The following DIAPH2 variants were observed in gnomAD, a reference collection of about 807,000 sequenced individuals.
DIAPH2 encodes the protein diaphanous related formin 2, also known as protein diaphanous homolog 2.
DIAPH2 carries 35 observed loss-of-function variants against 92.7 expected under a neutral mutation model. The ratio of observed to expected loss-of-function variants is 0.38; its 90% CI spans 0.29 to 0.50. DIAPH2 has a LOEUF of 0.50. Ranked by LOEUF, DIAPH2 falls within the 20% of genes least tolerant of loss-of-function variation. The pLI is 0.94. For synonymous variants in DIAPH2, 301 were observed against 280.4 expected, an observed-to-expected ratio of 1.07 and a Z score of -0.73; for missense variants, 701 against 819.5, an observed-to-expected ratio of 0.86 and a Z score of 1.77.
At chrX:97,594,200 C>T (rs867702267) in intron 26 of DIAPH2, among the ~76,000 whole-genome samples, 7 of 85,644 alleles carry the variant, frequency 8.2e-5, no homozygotes, top group African/African-American at 7.9e-5. Flanking sequence ...TATATATATA[C>T]GTACACATAC....
chrX:96,802,174 G>C (rs986897709), intron 4 of DIAPH2, among the ~76,000 whole-genome samples: 2 of 111,967 alleles, frequency 1.8e-5, no homozygotes, highest in Admixed American at 1.9e-4. Context: ...ATGTTTGTGA[G>C]AATCATTCAC....
rs2065823903 is a variant in DIAPH2 at position 96,958,075 on chromosome X, A to G, written c.1862A>G (p.Asn621Ser). ...CCTCCTCCCCCAGGAATATCACTTA[A>G]TCTACCTTATGGAATGAAGCAGAAA... ...GVPPPPGISL[N>S]LPYGMKQKKM... is the part of the protein sequence containing the mutation. The change falls in exon 16 of 27, where the codon AAT (asparagine) becomes AGT (serine). Residue 621 changes from asparagine (N) to serine (S), a missense_variant. Coordinates refer to ENST00000324765, the MANE Select transcript of DIAPH2 (RefSeq NM_006729.5). 8.3e-7 allele frequency: 1 copy of G among 1,211,553 alleles called. No individual in the cohort carries two copies. Among genetic ancestry groups the G allele is most frequent in the Non-Finnish European group, 1.1e-6 (1 of 895,363 alleles).
At chrX:96,991,812 A>G (rs2066074291) in intron 17 of DIAPH2, among the ~76,000 whole-genome samples, 1 of 111,147 alleles carries the variant, frequency 9.0e-6, no homozygotes, top group Non-Finnish European at 1.9e-5. Context: ...GAACACATAT[A>G]TAACTAACAG....
rs184213109 is a variant in DIAPH2 at position 97,422,647 on chromosome X, T to C, written c.3146-7003T>C. Among the ~76,000 whole-genome samples the C allele has an allele frequency of 3.8e-4, 43 of 111,788 alleles. 1 individual carries two copies. The Admixed American group carries it at 3.9e-3, about 10-fold the overall frequency. On this transcript the variant is annotated intron_variant, in intron 25 of 26. Transcript: ENST00000324765. ...GTGAATTAAAACCATTATGCCTCGG[T>C]TAAGATTTTAGGAAATGATTTTTAT... is the stretch of plus-strand genomic sequence containing the variant.
At chrX:97,431,896 G>A (rs1217531394) in intron 26 of DIAPH2, 2 of 111,790 alleles carry the variant, frequency 1.8e-5, no homozygotes, top group African/African-American at 6.5e-5. Context: ...CCTTGCCTCA[G>A]CCCTTCCTAG....
chrX:97,244,793 G>A (rs2068125493), intron 22 of DIAPH2, among the ~76,000 whole-genome samples: 1 of 111,918 alleles, frequency 8.9e-6, no homozygotes, highest in African/African-American at 3.2e-5. Flanking sequence ...GGTGCATATA[G>A]CAAAGTTAGC....
At chrX:96,913,747 T>A (rs996968637) in intron 7 of DIAPH2, among the ~76,000 whole-genome samples, 1 of 110,890 alleles carries the variant, frequency 9.0e-6, no homozygotes, top group Non-Finnish European at 1.9e-5. Flanking sequence ...CTCTGAAAAA[T>A]TGCAGGGCTT....
intron 4 of DIAPH2, among the ~76,000 whole-genome samples, chrX:96,837,433 C>CTCTCTCTCTGTGTG (rs1189132418): frequency 4.1e-4 from 17 of 41,337 alleles, no homozygotes; most frequent in Admixed American, 3.6e-3. Flanking sequence ...CTCTCTCTCT[C>CTCTCTCTCTGTGTG]TGTGTGTGTG....
At chrX:96,993,421 G>A (rs776020668) in intron 17 of DIAPH2, among the ~76,000 whole-genome samples, 9 of 112,417 alleles carry the variant, frequency 8.0e-5, no homozygotes, top group Middle Eastern at 4.6e-3. Context: ...GGTTCTGTGG[G>A]CTGTACAGGC....
chrX:96,760,985 G>A (rs1161296630), intron 4 of DIAPH2, among the ~76,000 whole-genome samples: 2 of 111,015 alleles, frequency 1.8e-5, no homozygotes, highest in African/African-American at 3.3e-5. Context: ...ATAGGAATAT[G>A]TAGATAATTT....
At chrX:97,251,156 C>T (rs1489361571) in intron 23 of DIAPH2, among the ~76,000 whole-genome samples, 1 of 111,487 alleles carries the variant, frequency 9.0e-6, no homozygotes, top group Non-Finnish European at 1.9e-5. Flanking sequence ...ATGGCTGACA[C>T]CCTATAATAC....
At chrX:96,687,444 C>CTT (rs761658197) in intron 1 of DIAPH2, among the ~76,000 whole-genome samples, 4 of 101,310 alleles carry the variant, frequency 3.9e-5, no homozygotes, top group South Asian at 4.3e-4. Context: ...ATTTTCTTTT[C>CTT]TTTTTTTTTT....
chrX:96,832,958 T>C (rs890431291), intron 4 of DIAPH2, among the ~76,000 whole-genome samples: 6 of 112,129 alleles, frequency 5.4e-5, no homozygotes, highest in Non-Finnish European at 1.1e-4. Flanking sequence ...GGAAGAAGTA[T>C]TGATTTTAGA....
At chrX:96,870,802 ATTTC>A (rs773433438) in intron 4 of DIAPH2, among the ~76,000 whole-genome samples, 12 of 111,517 alleles carry the variant, frequency 1.1e-4, no homozygotes, top group African/African-American at 3.9e-4. Flanking sequence ...TGGAAGGAAT[ATTTC>A]TTTATTTCAT....
At chrX:97,544,710 T>C (rs2071166417) in intron 26 of DIAPH2, among the ~76,000 whole-genome samples, 1 of 111,970 alleles carries the variant, frequency 8.9e-6, no homozygotes, top group Non-Finnish European at 1.9e-5. Context: ...CTGTACAGAC[T>C]ACCAGAGCTT....
chrX:97,570,472 G>A (rs146858325), intron 26 of DIAPH2, among the ~76,000 whole-genome samples: 5,057 of 108,489 alleles, frequency 0.047, 123 homozygotes, highest in Middle Eastern at 0.14. Flanking sequence ...TCACTCTCTT[G>A]TAAATGATAG....
chrX:96,851,458 C>A (rs1380916090), intron 4 of DIAPH2, among the ~76,000 whole-genome samples: 1 of 111,551 alleles, frequency 9.0e-6, no homozygotes, highest in Non-Finnish European at 1.9e-5. Flanking sequence ...GGAATTGGTT[C>A]CAGAACCACC....
At chrX:97,495,895 A>G (rs1487508610) in intron 26 of DIAPH2, among the ~76,000 whole-genome samples, 1 of 111,548 alleles carries the variant, frequency 9.0e-6, no homozygotes, top group Non-Finnish European at 1.9e-5. Context: ...TTTTACTTTG[A>G]TATGTTAGCA....
chrX:97,245,377 C>T (rs1602446169), intron 22 of DIAPH2, among the ~76,000 whole-genome samples: 1 of 110,143 alleles, frequency 9.1e-6, no homozygotes, highest in Non-Finnish European at 1.9e-5. Flanking sequence ...ACAGTGATGC[C>T]ATCATAACTC....
Sources: gnomAD v4.1 joint callset for allele counts (sites outside exome capture counted in the v4.1 genomes callset) on GRCh38, gnomAD v4.1.1 for gene constraint, MANE v1.5 for transcripts, NCBI Gene and HGNC (gene_info 2026-07-23, HGNC 2026-07-21) for gene names.